NTM: variants seen among roughly 807,000 people sequenced by gnomAD.
NTM encodes IgLON family member 2.
NTM carries 13 observed loss-of-function variants against 42.1 expected under a neutral mutation model. That is an observed-to-expected ratio of 0.31 (90% CI 0.20 to 0.49). The LOEUF is 0.49. Among genes scored for constraint, NTM ranks in the 20% least tolerant of loss-of-function variants. NTM has a pLI of 0.99. For synonymous variants in NTM, 187 were observed against 179.2 expected, an observed-to-expected ratio of 1.04 and a Z score of -0.35; for missense variants, 373 against 452.8, an observed-to-expected ratio of 0.82 and a Z score of 1.60.
chr11:131,412,254 A>G (rs1361941265), intron 1 of NTM, among the ~76,000 whole-genome samples: 1 of 152,164 alleles, frequency 6.6e-6, no homozygotes, highest in Non-Finnish European at 1.5e-5. Flanking sequence ...TCATGAAACA[A>G]TGACGGACTC....
chr11:131,417,538 A>T (rs927280936), intron 1 of NTM, among the ~76,000 whole-genome samples: 6 of 152,190 alleles, frequency 3.9e-5, no homozygotes, highest in African/African-American at 1.2e-4. Flanking sequence ...AGTTTGGGTT[A>T]TTCTGAATAC....
chr11:131,613,856 C>T (rs550582703), intron 1 of NTM, among the ~76,000 whole-genome samples: 1 of 152,278 alleles, frequency 6.6e-6, no homozygotes, highest in South Asian at 2.1e-4. Context: ...CACGTACCTG[C>T]CTTGCTTTGG....
chr11:132,082,853 G>A (rs2059257481), intron 2 of NTM, among the ~76,000 whole-genome samples: 1 of 152,158 alleles, frequency 6.6e-6, no homozygotes, highest in African/African-American at 2.4e-5. Flanking sequence ...AGGACAAACC[G>A]GGTTATTAGA....
chr11:131,789,637 A>AAGAAGAAGAAGAAG (rs2090490751), intron 1 of NTM, among the ~76,000 whole-genome samples: 1 of 24,396 alleles, frequency 4.1e-5, no homozygotes, highest in Non-Finnish European at 9.2e-5. Context: ...AGAAGAAGAA[A>AAGAAGAAGAAGAAG]AGAAGAAGAA....
At chr11:131,652,475 G>T (rs180736182) in intron 1 of NTM, among the ~76,000 whole-genome samples, 3 of 152,296 alleles carry the variant, frequency 2.0e-5, no homozygotes, top group African/African-American at 7.2e-5. Context: ...ACAGAAGAAC[G>T]AGAGGCTTCA....
intron 1 of NTM, among the ~76,000 whole-genome samples, chr11:131,483,408 A>T (rs1953822351): frequency 6.6e-6 from 1 of 152,254 alleles, no homozygotes. Flanking sequence ...GTAAACGTGC[A>T]AACTGAGGCC....
chr11:131,986,736 G>A (rs1295654143), intron 2 of NTM, among the ~76,000 whole-genome samples: 1 of 152,174 alleles, frequency 6.6e-6, no homozygotes, highest in East Asian at 1.9e-4. Context: ...GAGGGCCAGA[G>A]ATTTTTACAG....
At chr11:131,580,910 C>T (rs1273316625) in intron 1 of NTM, among the ~76,000 whole-genome samples, 1 of 152,128 alleles carries the variant, frequency 6.6e-6, no homozygotes, top group East Asian at 1.9e-4. Flanking sequence ...CAAAAGTTCT[C>T]TCTCATGGAA....
At chr11:132,124,440 A>G (rs1361319572) in intron 2 of NTM, among the ~76,000 whole-genome samples, 1 of 152,222 alleles carries the variant, frequency 6.6e-6, no homozygotes, top group Admixed American at 6.5e-5. Flanking sequence ...ATTCCTTAAC[A>G]TAACTTAAAA....
At chr11:131,735,274 A>G (rs881004) in intron 1 of NTM, among the ~76,000 whole-genome samples, 21,841 of 152,240 alleles carry the variant, frequency 0.14, 1,819 homozygotes, top group Middle Eastern at 0.22. Flanking sequence ...GCTTTGTGGT[A>G]TTTAAATGGG....
chr11:131,455,251 C>A (rs1950782067), intron 1 of NTM, among the ~76,000 whole-genome samples: 1 of 152,166 alleles, frequency 6.6e-6, no homozygotes, highest in Admixed American at 6.5e-5. Context: ...TAAGGCTTGG[C>A]CACAGGTTTA....
chr11:131,964,100 C>T (rs535952808), intron 2 of NTM, among the ~76,000 whole-genome samples: 3 of 152,170 alleles, frequency 2.0e-5, no homozygotes, highest in African/African-American at 4.8e-5. Context: ...CTAAGCCAGA[C>T]CAAAGGGCTG....
rs573616538 is a variant in NTM, at chr11:131,520,938, T to C, written c.82+150050T>C. On this transcript the variant is annotated intron_variant, in intron 1 of 8. Coordinates refer to ENST00000683400, the MANE Select transcript of NTM (RefSeq NM_001352005.2). ...GCATGGCATCAGCATTGGCTTCCGT[T>C]GAGGTCTCAGGAAGCTTCCGATCAT... Among the ~76,000 whole-genome samples the C allele has an allele frequency of 8.5e-5, 13 of 152,298 alleles. No homozygotes were observed. The South Asian group carries it at 2.1e-3, about 24-fold the overall frequency.
At chr11:131,395,462 T>A (rs1565459482) in intron 1 of NTM, among the ~76,000 whole-genome samples, 1 of 152,198 alleles carries the variant, frequency 6.6e-6, no homozygotes, top group Admixed American at 6.5e-5. Context: ...GCAAACTTTT[T>A]TCTCTCTTTT....
chr11:132,089,734 C>G (rs2060170018), intron 2 of NTM, among the ~76,000 whole-genome samples: 2 of 152,168 alleles, frequency 1.3e-5, no homozygotes, highest in African/African-American at 4.8e-5. Flanking sequence ...TCACCATTTT[C>G]CACCCAAGCT....
At chr11:132,172,537 AG>A (rs1319016673) in intron 3 of NTM, among the ~76,000 whole-genome samples, 1 of 152,202 alleles carries the variant, frequency 6.6e-6, no homozygotes, top group Non-Finnish European at 1.5e-5. Context: ...CTGTGAAAGA[AG>A]GAGACTATTA....
At chr11:131,601,732 T>C (rs1208037438) in intron 1 of NTM, among the ~76,000 whole-genome samples, 1 of 152,244 alleles carries the variant, frequency 6.6e-6, no homozygotes, top group African/African-American at 2.4e-5. Flanking sequence ...GTGGCCTGTG[T>C]CTGACTCATT....
intron 4 of NTM, among the ~76,000 whole-genome samples, chr11:132,249,776 C>T (rs1047965407): frequency 2.0e-5 from 3 of 152,252 alleles, no homozygotes; most frequent in African/African-American, 7.2e-5. Context: ...TCTCGGTTTT[C>T]TCTTCAACTC....
intron 2 of NTM, among the ~76,000 whole-genome samples, chr11:132,136,707 T>G (rs371519260): frequency 4.6e-5 from 7 of 152,196 alleles, no homozygotes; most frequent in African/African-American, 1.2e-4. Context: ...GATTTTGGTC[T>G]CCTAAGCTGT....
Sources: gnomAD v4.1 joint callset for allele counts (sites outside exome capture counted in the v4.1 genomes callset) on GRCh38, gnomAD v4.1.1 for gene constraint, MANE v1.5 for transcripts, NCBI Gene and HGNC (gene_info 2026-07-23, HGNC 2026-07-21) for gene names.